The following LRRTM4 variants were observed in gnomAD, a reference collection of about 807,000 sequenced individuals.
LRRTM4 encodes leucine-rich repeat transmembrane neuronal protein 4.
In LRRTM4, 25 loss-of-function variants were observed where a neutral mutation model predicts 47.6. That is an observed-to-expected ratio of 0.53 (90% confidence interval 0.38 to 0.73). The LOEUF (loss-of-function observed/expected upper bound fraction) is 0.73, where lower values mean the gene tolerates loss of function less well. Among genes scored for constraint, LRRTM4 ranks in the 30% least tolerant of loss-of-function variants. LRRTM4 has a pLI of 0.00. For missense variants in LRRTM4, 638 were observed against 713.4 expected (o/e 0.89, Z 1.20); for synonymous variants, 311 against 269.5 (o/e 1.15, Z -1.51).
intron 3 of LRRTM4, among the ~76,000 whole-genome samples, chr2:77,412,417 A>G (rs1352605451): frequency 6.6e-6 from 1 of 152,172 alleles, no homozygotes; most frequent in Non-Finnish European, 1.5e-5. Flanking sequence ...CATCTAGCAA[A>G]TATTCTGTAT....
At chr2:76,791,468 C>T (rs1469470108) in intron 3 of LRRTM4, among the ~76,000 whole-genome samples, 5 of 152,050 alleles carry the variant, frequency 3.3e-5, no homozygotes, top group African/African-American at 1.2e-4. Context: ...CCAAGAACTT[C>T]ACTTAGATAC....
intron 3 of LRRTM4, among the ~76,000 whole-genome samples, chr2:77,195,705 G>C (rs908874532): frequency 1.2e-4 from 19 of 152,070 alleles, no homozygotes; most frequent in African/African-American, 4.3e-4. Context: ...TAATAATGTA[G>C]AGTGGTAATA....
At chr2:76,783,765 T>G (rs908191746) in intron 3 of LRRTM4, among the ~76,000 whole-genome samples, 3 of 152,206 alleles carry the variant, frequency 2.0e-5, no homozygotes, top group African/African-American at 7.2e-5. Flanking sequence ...GGATATTTCT[T>G]GCAAGTACTT....
At chr2:77,446,190 G>GT (rs971015676) in intron 3 of LRRTM4, among the ~76,000 whole-genome samples, 3 of 151,862 alleles carry the variant, frequency 2.0e-5, no homozygotes, top group East Asian at 1.9e-4. Context: ...AATGCTATGG[G>GT]TTTTTTTCTG....
At chr2:77,383,609 G>A (rs960384210) in intron 3 of LRRTM4, among the ~76,000 whole-genome samples, 3 of 151,966 alleles carry the variant, frequency 2.0e-5, no homozygotes, top group African/African-American at 7.2e-5. Context: ...GCTTATGGAT[G>A]TTCCAGGTTC....
At chr2:76,888,088 T>C (rs1053032616) in intron 3 of LRRTM4, among the ~76,000 whole-genome samples, 1 of 150,372 alleles carries the variant, frequency 6.7e-6, no homozygotes, top group Admixed American at 6.7e-5. Context: ...TATATACATA[T>C]ATAGTGTGTG....
chr2:77,230,463 G>A (rs1435098690), intron 3 of LRRTM4, among the ~76,000 whole-genome samples: 1 of 152,080 alleles, frequency 6.6e-6, no homozygotes, highest in East Asian at 1.9e-4. Context: ...ACAATGTGTA[G>A]TGATATAAAA....
At chr2:77,451,704 T>A (rs1433518744) in intron 3 of LRRTM4, among the ~76,000 whole-genome samples, 1 of 152,130 alleles carries the variant, frequency 6.6e-6, no homozygotes. Context: ...ACTAACTTAC[T>A]AATCAAATAA....
At chr2:76,782,748 G>T (rs529641388) in intron 3 of LRRTM4, among the ~76,000 whole-genome samples, 16 of 151,780 alleles carry the variant, frequency 1.1e-4, no homozygotes, top group African/African-American at 3.4e-4. Context: ...CATATTTATT[G>T]AAGAAATCCA....
intron 3 of LRRTM4, among the ~76,000 whole-genome samples, chr2:77,084,078 T>A (rs1403250207): frequency 6.6e-6 from 1 of 152,110 alleles, no homozygotes; most frequent in Non-Finnish European, 1.5e-5. Flanking sequence ...GTGCTGGGAT[T>A]ACAGGTGTGA....
intron 3 of LRRTM4, among the ~76,000 whole-genome samples, chr2:76,830,084 C>T (rs1671304666): frequency 6.6e-6 from 1 of 151,764 alleles, no homozygotes; most frequent in Non-Finnish European, 1.5e-5. Flanking sequence ...ATGAACCTTC[C>T]CCAACAGAAA....
Position 77,334,841 on chromosome 2 carries a change from T to C in LRRTM4, c.1551+183477A>G, listed in dbSNP as rs192822183. Among the ~76,000 whole-genome samples the C allele has an allele frequency of 9.2e-5, 14 of 152,326 alleles. No homozygotes were observed. In the East Asian group the frequency reaches 2.5e-3, roughly 27 times the overall value. Reference sequence around the variant, plus strand: ...CTAGTCTTTCACTTTCTTTTAGTTTTCTAACCCCCACTGGGCAGTTGCCCT... The same window carrying C: ...CTAGTCTTTCACTTTCTTTTAGTTTCCTAACCCCCACTGGGCAGTTGCCCT... On this transcript the variant is annotated intron_variant, in intron 3 of 3. Transcript: ENST00000409884.
At chr2:77,308,065 T>G (rs1030152662) in intron 3 of LRRTM4, among the ~76,000 whole-genome samples, 1 of 142,598 alleles carries the variant, frequency 7.0e-6, no homozygotes, top group African/African-American at 2.5e-5. Flanking sequence ...TATCTATATA[T>G]CTATATAACA....
intron 3 of LRRTM4, among the ~76,000 whole-genome samples, chr2:76,990,999 G>C (rs572589710): frequency 6.6e-6 from 1 of 151,596 alleles, no homozygotes; most frequent in Non-Finnish European, 1.5e-5. Flanking sequence ...GAAGATCTCT[G>C]TAAACCACAC....
At chr2:77,262,386 A>T (rs1413051830) in intron 3 of LRRTM4, among the ~76,000 whole-genome samples, 1 of 151,872 alleles carries the variant, frequency 6.6e-6, no homozygotes, top group African/African-American at 2.4e-5. Flanking sequence ...ACCCCTTCCT[A>T]TTTCCCCTAT....
intron 3 of LRRTM4, among the ~76,000 whole-genome samples, chr2:76,959,844 G>C (rs1287139700): frequency 1.3e-5 from 2 of 151,560 alleles, no homozygotes; most frequent in Non-Finnish European, 3.0e-5. Flanking sequence ...TAAAATTCCA[G>C]TGCATTATGA....
chr2:77,224,015 T>C (rs1215373318), intron 3 of LRRTM4, among the ~76,000 whole-genome samples: 1 of 151,574 alleles, frequency 6.6e-6, no homozygotes, highest in African/African-American at 2.4e-5. Context: ...AACAGAGATA[T>C]AGACCAATGG....
At chr2:77,240,100 G>A (rs1174861870) in intron 3 of LRRTM4, among the ~76,000 whole-genome samples, 1 of 151,610 alleles carries the variant, frequency 6.6e-6, no homozygotes, top group Non-Finnish European at 1.5e-5. Context: ...TGACCAAAAT[G>A]AAATTAAATT....
chr2:77,413,843 TACACACAC>T (rs60861644), intron 3 of LRRTM4, among the ~76,000 whole-genome samples: 1 of 150,252 alleles, frequency 6.7e-6, no homozygotes, highest in Non-Finnish European at 1.5e-5. Context: ...TCTAGTTTTA[TACACACAC>T]ACACACACAC....
Sources: gnomAD v4.1 joint callset for allele counts (sites outside exome capture counted in the v4.1 genomes callset) on GRCh38, gnomAD v4.1.1 for gene constraint, MANE v1.5 for transcripts, NCBI Gene and HGNC (gene_info 2026-07-23, HGNC 2026-07-21) for gene names.